Variants in MRTFA observed in about 807,000 individuals in gnomAD.
MRTFA encodes the protein myocardin related transcription factor A, also known as myocardin-related transcription factor A.
MRTFA carries 20 observed loss-of-function variants against 83.5 expected under a neutral mutation model. The observed-to-expected ratio is 0.24, with a 90% CI of 0.17 to 0.35. MRTFA has a LOEUF of 0.35. Among genes scored for constraint, MRTFA ranks in the 10% least tolerant of loss-of-function variants. The pLI is 1.00. For synonymous variants in MRTFA, 659 were observed against 541.2 expected, an observed-to-expected ratio of 1.22 and a Z score of -3.02; for missense variants, 1,200 against 1,224.7, an observed-to-expected ratio of 0.98 and a Z score of 0.30.
chr22:40,593,162 A>G (rs574670834), intron 2 of MRTFA, among the ~76,000 whole-genome samples: 1 of 152,304 alleles, frequency 6.6e-6, no homozygotes, highest in Non-Finnish European at 1.5e-5. Flanking sequence ...GCTAATCAGT[A>G]GCAAGCCCCC....
rs562057218 is a variant in MRTFA at position 40,463,701 on chromosome 22, G to A, written c.242-415C>T. ...AAATGTTTACCACCATAAGTATAGT[G>A]AATGAAAGAACTACTCACACAGATC... On this transcript the variant is annotated intron_variant, in intron 3 of 14. Coordinates refer to ENST00000355630, the MANE Select transcript of MRTFA (RefSeq NM_020831.6). Among the ~76,000 whole-genome samples the A allele has an allele frequency of 3.2e-4, 49 of 152,252 alleles. 1 individual carries two copies. In the South Asian group the frequency reaches 1.0e-2, roughly 31 times the overall value.
chr22:40,477,779 G>T (rs917275054), intron 3 of MRTFA, among the ~76,000 whole-genome samples: 5 of 151,838 alleles, frequency 3.3e-5, no homozygotes, highest in Non-Finnish European at 5.9e-5. Context: ...GGTGGGGGAT[G>T]CGGAGAGATG....
Position 40,435,493 on chromosome 22 carries a change from C to G in MRTFA, c.363+6G>C, listed in dbSNP as rs941927210. On this transcript the variant is annotated splice_donor_region_variant and intron_variant, in intron 5 of 14. Coordinates refer to ENST00000355630, the MANE Select transcript of MRTFA (RefSeq NM_020831.6). ...GGAGTTCTGAGGGGGAAAAAAGGTA[C>G]CTTACCCTGGCCCGCTCCAAGCTCC... 3 of 1,614,154 alleles carry G rather than the reference C, an allele frequency of 1.9e-6. No individual in the cohort carries two copies. Among genetic ancestry groups the G allele is most frequent in the Non-Finnish European group, 2.5e-6 (3 of 1,180,006 alleles).
intron 3 of MRTFA, among the ~76,000 whole-genome samples, chr22:40,527,854 T>A (rs1173822380): frequency 6.6e-6 from 1 of 152,000 alleles, no homozygotes; most frequent in African/African-American, 2.4e-5. Flanking sequence ...TTGGCACTGT[T>A]TTAATAAAGC....
chr22:40,418,422 G>C lies in MRTFA; in HGVS notation c.2316C>G (p.Thr772=). The change falls in exon 12 of 15, where the codon ACC becomes ACG. Residue 772 remains threonine, a synonymous_variant. Transcript: ENST00000355630. ...GGCCAGGGCTGTCTGCATTCTTATT[G>C]GTCACGGTGAGGACAAGGTGGGTCC... 6.2e-7 allele frequency: 1 copy of C among 1,614,076 alleles called. No homozygotes were observed. Among genetic ancestry groups the C allele is most frequent in the Non-Finnish European group, 8.5e-7 (1 of 1,179,956 alleles).
At position 40,411,811 on chromosome 22, in the gene MRTFA, G is replaced by A; in HGVS notation, c.2675C>T (p.Ser892Leu). 6.6e-7 allele frequency: 1 copy of A among 1,522,200 alleles called. No individual in the cohort carries two copies. The highest frequency in any genetic ancestry group is 8.8e-7 in the Non-Finnish European group (1 of 1,131,218). 94.3% of individuals were successfully genotyped at this position (1,522,200 alleles called of 1,614,324 possible). A position where few individuals can be genotyped will look rare whatever the true frequency, so the allele number is the denominator to read the frequency against. The change falls in exon 15 of 15, where the codon TCA becomes TTA. Residue 892 changes from serine (S) to leucine (L), a missense_variant. Ser to Leu is a moderately radical substitution (Grantham distance 145). Around this residue, in one of 2 missense-constraint regions of MRTFA, gnomAD observed 1,107 missense variants for 1,041.8 expected, o/e 1.06. Transcript: ENST00000355630. Reference sequence around the variant, plus strand: ...AGCCTGGGGGAGCTCAGCAGAAGGTGATGGCTGTGCTGCCAGGGGGGACCC... The same window carrying A: ...AGCCTGGGGGAGCTCAGCAGAAGGTAATGGCTGTGCTGCCAGGGGGGACCC...
intron 1 of MRTFA, among the ~76,000 whole-genome samples, chr22:40,629,252 T>C (rs2056614337): frequency 6.6e-6 from 1 of 151,722 alleles, no homozygotes; most frequent in Admixed American, 6.6e-5. Context: ...GAGACCAGCC[T>C]GTCCAATATG....
chr22:40,448,848 T>C (rs1208927334), intron 4 of MRTFA, among the ~76,000 whole-genome samples: 1 of 152,126 alleles, frequency 6.6e-6, no homozygotes, highest in Non-Finnish European at 1.5e-5. Flanking sequence ...TGACCAGCGA[T>C]ATGGTACAAA....
chr22:40,471,153 G>A (rs2053904472), intron 3 of MRTFA, among the ~76,000 whole-genome samples: 1 of 146,010 alleles, frequency 6.8e-6, no homozygotes, highest in South Asian at 2.2e-4. Flanking sequence ...AAGCCAAGGA[G>A]GGTGGACCAC....
intron 1 of MRTFA, among the ~76,000 whole-genome samples, chr22:40,627,423 C>T: frequency 6.6e-6 from 1 of 152,152 alleles, no homozygotes; most frequent in Admixed American, 6.6e-5. Flanking sequence ...CCTTATTTGG[C>T]AAGTATTAAT....
chr22:40,509,104 T>C (rs1400303111), intron 3 of MRTFA, among the ~76,000 whole-genome samples: 4 of 152,200 alleles, frequency 2.6e-5, no homozygotes, highest in Admixed American at 2.6e-4. Flanking sequence ...TGTTTAACTA[T>C]ACAATTCTTC....
At chr22:40,450,196 A>G (rs1397476631) in intron 4 of MRTFA, among the ~76,000 whole-genome samples, 1 of 152,236 alleles carries the variant, frequency 6.6e-6, no homozygotes, top group Admixed American at 6.5e-5. Flanking sequence ...TGTGAATTTT[A>G]GGTGCTTGCT....
chr22:40,575,949 C>A (rs187486901), intron 2 of MRTFA, among the ~76,000 whole-genome samples: 3 of 151,648 alleles, frequency 2.0e-5, no homozygotes, highest in Admixed American at 2.0e-4. Flanking sequence ...GCATTTTTTT[C>A]TGATTTAAAT....
intron 3 of MRTFA, among the ~76,000 whole-genome samples, chr22:40,493,814 TTATC>T (rs2054308157): frequency 6.6e-6 from 1 of 152,214 alleles, no homozygotes. Context: ...TCCTGAGTAT[TTATC>T]TAAGAGAAGT....
At chr22:40,491,686 T>C (rs1158291040) in intron 3 of MRTFA, among the ~76,000 whole-genome samples, 2 of 152,184 alleles carry the variant, frequency 1.3e-5, no homozygotes, top group African/African-American at 4.8e-5. Flanking sequence ...AAAAGTTTTT[T>C]CTTCCCTTAT....
chr22:40,609,217 G>C (rs2056354889), intron 1 of MRTFA, among the ~76,000 whole-genome samples: 1 of 151,714 alleles, frequency 6.6e-6, no homozygotes, highest in African/African-American at 2.4e-5. Flanking sequence ...CTTGAACCTG[G>C]GAGGTGGAGG....
At chr22:40,534,601 T>G (rs917406516) in intron 3 of MRTFA, among the ~76,000 whole-genome samples, 3 of 152,198 alleles carry the variant, frequency 2.0e-5, no homozygotes, top group African/African-American at 7.2e-5. Context: ...CTCAAACTCC[T>G]AGGCTCAAGC....
intron 9 of MRTFA, among the ~76,000 whole-genome samples, chr22:40,423,246 G>A (rs943407128): frequency 1.3e-5 from 2 of 152,180 alleles, no homozygotes; most frequent in African/African-American, 2.4e-5. Flanking sequence ...TCTGCCTTGC[G>A]GAGTTGTTGA....
chr22:40,576,295 T>C (rs967051812), intron 2 of MRTFA, among the ~76,000 whole-genome samples: 7 of 152,206 alleles, frequency 4.6e-5, no homozygotes, highest in African/African-American at 1.4e-4. Flanking sequence ...CCTCCCAAAG[T>C]GCTGGGATTA....
Sources: gnomAD v4.1 joint callset for allele counts (sites outside exome capture counted in the v4.1 genomes callset) on GRCh38, gnomAD v4.1.1 for gene constraint, gnomAD v4.1.1 regional missense constraint, MANE v1.5 for transcripts, NCBI Gene and HGNC (gene_info 2026-07-23, HGNC 2026-07-21) for gene names.